SRPX: variants seen among roughly 807,000 people sequenced by gnomAD.
SRPX encodes the protein sushi repeat containing protein X-linked.
Under a neutral mutation model 38.1 loss-of-function variants are expected in SRPX, and 24 were observed. That is an observed-to-expected ratio of 0.63 (90% CI 0.46 to 0.89). The LOEUF is 0.89. SRPX is among the 40% of genes least tolerant of loss of function. The pLI, the probability that SRPX is intolerant of heterozygous loss-of-function variation, is 0.00. For missense variants in SRPX, 416 were observed against 377.8 expected, an observed-to-expected ratio of 1.10 and a Z score of -0.84; for synonymous variants, 184 against 153.8, an observed-to-expected ratio of 1.20 and a Z score of -1.45.
intron 1 of SRPX, among the ~76,000 whole-genome samples, chrX:38,213,040 T>C (rs776114238): frequency 3.5e-5 from 4 of 112,743 alleles, no homozygotes; most frequent in Admixed American, 9.3e-5. Context: ...CCAGGCACCA[T>C]TGGCTGACTC....
Position 38,157,022 on chromosome X carries a change from G to C in SRPX, c.963C>G (p.Asn321Lys), listed in dbSNP as rs201908186. 3.1e-5 allele frequency: 37 copies of C among 1,208,852 alleles called. No individual in the cohort carries two copies. Among genetic ancestry groups the C allele is most frequent in the Non-Finnish European group, 4.0e-5 (36 of 894,798 alleles). ...CTGCCGTTCTGACACCCACATTGAC[G>C]TTCATGGCTGTAATCAGAAATGGCC... is the stretch of plus-strand genomic sequence containing the variant. ...SGTEPTCAAM[N>K]VNVGVRTAAA... Residue 321 changes from asparagine to lysine, a missense_variant, in exon 8 of 10, where the codon AAC becomes AAG. By Grantham distance (94) the Asn-to-Lys change is moderately conservative. Transcript: ENST00000378533.
At chrX:38,170,960 G>T (rs1938454550) in intron 4 of SRPX, among the ~76,000 whole-genome samples, 1 of 111,514 alleles carries the variant, frequency 9.0e-6, no homozygotes, top group Admixed American at 9.5e-5. Flanking sequence ...TCTGTGAGGT[G>T]CCCCCTGTGG....
intron 1 of SRPX, among the ~76,000 whole-genome samples, chrX:38,202,849 A>C (rs1939137028): frequency 8.9e-6 from 1 of 112,429 alleles, no homozygotes; most frequent in African/African-American, 3.2e-5. Flanking sequence ...GAATTCTATC[A>C]AATATTTTTA....
At chrX:38,195,658 C>T (rs1885445) in intron 1 of SRPX, among the ~76,000 whole-genome samples, 42,703 of 110,363 alleles carry the variant, frequency 0.39, 6,339 homozygotes, top group East Asian at 0.69. Flanking sequence ...ATCTGATGCA[C>T]ACGCCAGCCT....
rs1939201945 is a variant in SRPX at position 38,205,947 on chromosome X, C to T, written c.97+14749G>A. Reference sequence around the variant, plus strand: ...AGTGGCCACCGACAATTCCTCCCACCCTGCACATGCATATAAGAGGTAGAC... The same window carrying T: ...AGTGGCCACCGACAATTCCTCCCACTCTGCACATGCATATAAGAGGTAGAC... On this transcript the variant is annotated intron_variant, in intron 1 of 9. Coordinates refer to ENST00000378533, the MANE Select transcript of SRPX (RefSeq NM_006307.5). Among the ~76,000 whole-genome samples, 2 of 112,560 alleles carry T rather than the reference C, an allele frequency of 1.8e-5. 1 individual carries two copies. The highest frequency in any genetic ancestry group is 1.9e-4 in the Admixed American group (2 of 10,683).
intron 1 of SRPX, among the ~76,000 whole-genome samples, chrX:38,209,906 T>A (rs761531588): frequency 8.9e-6 from 1 of 112,034 alleles, no homozygotes; most frequent in Non-Finnish European, 1.9e-5. Context: ...GGGTTTTTTT[T>A]CTTCCCCACT....
rs149724275 is a variant in SRPX at position 38,192,399 on chromosome X, C to T, written c.98-14055G>A. ...GTCCACTAAATGGGGAGGCCATTCT[C>T]GTCCCTCTCATGCCCGCTGTCCCCT... On this transcript the variant is annotated intron_variant, in intron 1 of 9. Coordinates refer to ENST00000378533, the MANE Select transcript of SRPX (RefSeq NM_006307.5). Among the ~76,000 whole-genome samples the T allele has an allele frequency of 8.1e-5, 9 of 111,331 alleles. No individual in the cohort carries two copies. In the East Asian group the frequency reaches 2.0e-3, roughly 24 times the overall value.
intron 1 of SRPX, among the ~76,000 whole-genome samples, chrX:38,191,703 T>C (rs988808833): frequency 8.9e-6 from 1 of 112,116 alleles, no homozygotes; most frequent in Non-Finnish European, 1.9e-5. Context: ...CCTAAAATAA[T>C]GGTGACTGAC....
intron 1 of SRPX, among the ~76,000 whole-genome samples, chrX:38,193,554 C>A (rs1045000157): frequency 8.9e-6 from 1 of 112,001 alleles, no homozygotes; most frequent in Admixed American, 9.4e-5. Flanking sequence ...ACACCCTAGG[C>A]AGTCTTTTTC....
chrX:38,188,914 T>C (rs1452097333), intron 1 of SRPX, among the ~76,000 whole-genome samples: 1 of 112,127 alleles, frequency 8.9e-6, no homozygotes, highest in Non-Finnish European at 1.9e-5. Context: ...AAAACCTACA[T>C]TTGTTAAGTT....
At chrX:38,188,110 G>A (rs1313295355) in intron 1 of SRPX, among the ~76,000 whole-genome samples, 1 of 111,516 alleles carries the variant, frequency 9.0e-6, no homozygotes, top group African/African-American at 3.3e-5. Flanking sequence ...ATAAGTGGCA[G>A]ACTAATAGAT....
chrX:38,213,586 AC>A (rs1275834611), intron 1 of SRPX, among the ~76,000 whole-genome samples: 1 of 111,760 alleles, frequency 8.9e-6, no homozygotes, highest in Non-Finnish European at 1.9e-5. Flanking sequence ...CCTGAGATAC[AC>A]CCTGGACAGG....
At chrX:38,211,798 T>G (rs936545219) in intron 1 of SRPX, among the ~76,000 whole-genome samples, 2 of 111,474 alleles carry the variant, frequency 1.8e-5, no homozygotes, top group Non-Finnish European at 1.9e-5. Flanking sequence ...CCTCTTTAAG[T>G]GCTGTTAACA....
intron 4 of SRPX, 28 bp downstream of exon 4, chrX:38,171,853 C>A (rs1443429797): frequency 8.3e-7 from 1 of 1,204,280 alleles, no homozygotes; most frequent in East Asian, 3.0e-5. Context: ...AAAGCAAGTG[C>A]CTCCTAAGGG....
chrX:38,160,848 C>G lies in SRPX; in HGVS notation c.775+85G>C, dbSNP rs927650344. On this transcript the variant is annotated intron_variant, in intron 6 of 9. Transcript: ENST00000378533. The stretch of plus-strand genomic sequence containing the variant: ...GGCAAGTCTCCCACCACAGTAGGCA[C>G]TTGAGAGAGTTCTGGCTTGAGGACC... The G allele has an allele frequency of 2.7e-6, 3 of 1,116,870 alleles. No individual in the cohort carries two copies. The East Asian group carries it at 9.1e-5, about 34-fold the overall frequency. The allele number at this position is 1,116,870 out of a possible 1,213,427, so 92.0% of individuals were successfully genotyped here.
intron 1 of SRPX, among the ~76,000 whole-genome samples, chrX:38,205,492 T>G (rs1341422182): frequency 8.9e-6 from 1 of 112,020 alleles, no homozygotes; most frequent in Admixed American, 9.4e-5. Context: ...TTGAATAAAG[T>G]AAAATTTATC....
At chrX:38,195,851 C>T (rs1938990130) in intron 1 of SRPX, among the ~76,000 whole-genome samples, 1 of 111,640 alleles carries the variant, frequency 9.0e-6, no homozygotes, top group Non-Finnish European at 1.9e-5. Flanking sequence ...GGAAGAAGGG[C>T]TCAAGAGTAA....
In SRPX at chrX:38,185,884, TA is replaced by T. The variant is rs1172099220; in HGVS notation, c.98-7541del. The stretch of plus-strand genomic sequence containing the variant: ...TAGCTGTGAATAGATGCTATTTTTC[TA>T]AAAAAAAAAAAAAGGGGGGGGGGAG... On this transcript the variant is annotated intron_variant, in intron 1 of 9. Coordinates refer to ENST00000378533, the MANE Select transcript of SRPX (RefSeq NM_006307.5). Among the ~76,000 whole-genome samples the T allele has an allele frequency of 3.5e-3, 196 of 56,372 alleles. 1 individual carries two copies. The East Asian group carries it at 0.037, about 11-fold the overall frequency. The allele number at this position is 56,372 out of a possible 115,157, so 49.0% of individuals were successfully genotyped here. A position where few individuals can be genotyped will look rare whatever the true frequency, so the allele number is the denominator to read the frequency against.
In SRPX at chrX:38,220,773, C is replaced by A. The variant is rs765671427; in HGVS notation, c.20G>T (p.Arg7Leu). ...CGGCAGCAGCAGCAGCAGCGCGGGC[C>A]GATGTGCGGGGCTCCCCATGGCGAG... MGSPAH[R>L]PALLLLLPPL... The change falls in exon 1 of 10, where the codon CGG (arginine) becomes CTG (leucine). Residue 7 changes from arginine to leucine, a missense_variant. Physicochemically the swap from Arg to Leu is moderately radical, Grantham distance 102. Transcript: ENST00000378533. 7.1e-6 allele frequency: 8 copies of A among 1,129,013 alleles called. No individual in the cohort carries two copies. Among genetic ancestry groups the A allele is most frequent in the South Asian group, 6.2e-5 (3 of 48,285 alleles). 93.0% of individuals were successfully genotyped at this position (1,129,013 alleles called of 1,213,427 possible).
Sources: gnomAD v4.1 joint callset for allele counts (sites outside exome capture counted in the v4.1 genomes callset) on GRCh38, gnomAD v4.1.1 for gene constraint, MANE v1.5 for transcripts, NCBI Gene and HGNC (gene_info 2026-07-23, HGNC 2026-07-21) for gene names.